The following AGBL4 variants were observed in gnomAD, a reference collection of about 807,000 sequenced individuals.
The protein encoded by AGBL4 is cytosolic carboxypeptidase 6.
Under a neutral mutation model 66.4 loss-of-function variants are expected in AGBL4, and 58 were observed. That is an observed-to-expected ratio of 0.87 (90% CI 0.71 to 1.09). The LOEUF (loss-of-function observed/expected upper bound fraction) is 1.09. AGBL4 is among the 50% of genes least tolerant of loss of function. AGBL4 has a pLI of 0.00. For missense variants in AGBL4, 579 were observed against 631.0 expected (o/e 0.92, Z 0.88); for synonymous variants, 234 against 222.9 (o/e 1.05, Z -0.44).
chr1:49,649,359 AG>A (rs1645955941), intron 3 of AGBL4, among the ~76,000 whole-genome samples: 1 of 152,166 alleles, frequency 6.6e-6, no homozygotes, highest in Admixed American at 6.6e-5. Flanking sequence ...GAGCAAGGAA[AG>A]TTATCAGGAA....
At chr1:49,370,690 A>T (rs1282931993) in intron 3 of AGBL4, among the ~76,000 whole-genome samples, 1 of 152,162 alleles carries the variant, frequency 6.6e-6, no homozygotes, top group Non-Finnish European at 1.5e-5. Context: ...CCAGTTCTTC[A>T]TTTGTCAAAT....
At chr1:49,974,100 GA>G (rs1658365350) in intron 1 of AGBL4, among the ~76,000 whole-genome samples, 1 of 151,952 alleles carries the variant, frequency 6.6e-6, no homozygotes, top group African/African-American at 2.4e-5. Context: ...TTTGAGATTT[GA>G]TTAGACTCTT....
intron 3 of AGBL4, among the ~76,000 whole-genome samples, chr1:49,494,835 C>T (rs1014749407): frequency 2.0e-5 from 3 of 151,964 alleles, no homozygotes; most frequent in African/African-American, 7.2e-5. Flanking sequence ...TTCTAGATCC[C>T]TGAGGAATCG....
chr1:48,534,798 TA>T, intron 13 of AGBL4, 91 bp downstream of exon 13: 1 of 1,340,566 alleles, frequency 7.5e-7, no homozygotes, highest in Non-Finnish European at 1.0e-6. Flanking sequence ...CTTGCTAACA[TA>T]ACAAGGCTGC....
chr1:48,726,733 A>G (rs1202880837), intron 6 of AGBL4, among the ~76,000 whole-genome samples: 2 of 152,244 alleles, frequency 1.3e-5, no homozygotes, highest in African/African-American at 4.8e-5. Flanking sequence ...CAATTAATGG[A>G]TGACCCATTA....
chr1:48,954,287 TC>T (rs1557496969), intron 5 of AGBL4, among the ~76,000 whole-genome samples: 1 of 152,192 alleles, frequency 6.6e-6, no homozygotes, highest in African/African-American at 2.4e-5. Context: ...ATAAACCACA[TC>T]ATAGATGAAA....
intron 3 of AGBL4, among the ~76,000 whole-genome samples, chr1:49,316,458 C>T (rs1472772027): frequency 2.0e-5 from 3 of 151,360 alleles, no homozygotes; most frequent in Non-Finnish European, 4.4e-5. Context: ...GCTCTCACAA[C>T]CAAAAATAAA....
At chr1:49,215,457 C>G (rs1649011805) in intron 4 of AGBL4, among the ~76,000 whole-genome samples, 1 of 152,032 alleles carries the variant, frequency 6.6e-6, no homozygotes, top group South Asian at 2.1e-4. Context: ...AGCAGTACTC[C>G]TATGTCTAAA....
chr1:49,735,668 C>T (rs918295805), intron 2 of AGBL4, among the ~76,000 whole-genome samples: 2 of 151,848 alleles, frequency 1.3e-5, no homozygotes, highest in African/African-American at 4.8e-5. Context: ...AAGAGCTACA[C>T]AATATTAAAA....
intron 4 of AGBL4, among the ~76,000 whole-genome samples, chr1:49,185,453 C>G (rs1646999839): frequency 6.6e-6 from 1 of 152,186 alleles, no homozygotes; most frequent in South Asian, 2.1e-4. Context: ...GATGTCACCA[C>G]AAGAATACAA....
At chr1:48,956,688 T>C (rs1657475801) in intron 5 of AGBL4, among the ~76,000 whole-genome samples, 1 of 152,204 alleles carries the variant, frequency 6.6e-6, no homozygotes, top group Non-Finnish European at 1.5e-5. Context: ...CAACTAACTC[T>C]GATTTAGGCT....
chr1:49,846,405 A>G (rs1308018638), intron 2 of AGBL4: 3 of 1,532,370 alleles, frequency 2.0e-6, no homozygotes, highest in Non-Finnish European at 2.7e-6. Flanking sequence ...GGATAAACCC[A>G]CTCCACATGT....
chr1:49,927,666 A>C (rs1571887237), intron 1 of AGBL4, among the ~76,000 whole-genome samples: 1 of 151,308 alleles, frequency 6.6e-6, no homozygotes, highest in Non-Finnish European at 1.5e-5. Context: ...GAAAGTACAC[A>C]GTCAGAGGAG....
At chr1:49,371,817 C>CTGTGTGTGTGTG (rs55882947) in intron 3 of AGBL4, among the ~76,000 whole-genome samples, 3 of 139,980 alleles carry the variant, frequency 2.1e-5, no homozygotes, top group Non-Finnish European at 4.6e-5. Context: ...TTTTCAAACT[C>CTGTGTGTGTGTG]TGTGTGTGTG....
intron 5 of AGBL4, among the ~76,000 whole-genome samples, chr1:48,962,096 C>CCCATCCATCCATCCAT (rs372705417): frequency 0.044 from 6,669 of 151,100 alleles, 177 homozygotes; most frequent in Middle Eastern, 0.075. Context: ...CTTAAAAGAT[C>CCCATCCATCCATCCAT]CCATCCATCC....
chr1:48,656,482 C>G (rs1422021852), intron 7 of AGBL4, among the ~76,000 whole-genome samples: 1 of 152,106 alleles, frequency 6.6e-6, no homozygotes, highest in African/African-American at 2.4e-5. Flanking sequence ...GAGGGGTGCA[C>G]AGTAAGGAAG....
At chr1:49,371,791 A>C (rs1470055810) in intron 3 of AGBL4, among the ~76,000 whole-genome samples, 3 of 147,656 alleles carry the variant, frequency 2.0e-5, no homozygotes, top group Non-Finnish European at 4.5e-5. Flanking sequence ...ATTGTGTGTC[A>C]GTCAGAGCCA....
intron 6 of AGBL4, among the ~76,000 whole-genome samples, chr1:48,842,932 T>C (rs1305504483): frequency 6.6e-6 from 1 of 152,170 alleles, no homozygotes; most frequent in African/African-American, 2.4e-5. Context: ...AAAGAAAATA[T>C]GGTATGAATT....
At chr1:49,405,227 T>C (rs979504682) in intron 3 of AGBL4, among the ~76,000 whole-genome samples, 36 of 152,162 alleles carry the variant, frequency 2.4e-4, no homozygotes, top group Admixed American at 1.7e-3. Context: ...TCATATTTCC[T>C]CTTTTCATAT....
Sources: gnomAD v4.1 joint callset for allele counts (sites outside exome capture counted in the v4.1 genomes callset) on GRCh38, gnomAD v4.1.1 for gene constraint, MANE v1.5 for transcripts, NCBI Gene and HGNC (gene_info 2026-07-23, HGNC 2026-07-21) for gene names.